The following SUMO3 variants were observed in gnomAD, a reference collection of about 807,000 sequenced individuals.
The protein encoded by SUMO3 is small ubiquitin like modifier 3.
SUMO3 carries 2 observed loss-of-function variants against 11.1 expected under a neutral mutation model. That is an observed-to-expected ratio of 0.18 (90% CI 0.07 to 0.57). The LOEUF (loss-of-function observed/expected upper bound fraction) is 0.57. Ranked by LOEUF, SUMO3 falls within the 20% of genes least tolerant of loss-of-function variation. SUMO3 has a pLI of 0.92. For synonymous variants in SUMO3, 56 were observed against 53.5 expected, an observed-to-expected ratio of 1.05 and a Z score of -0.20; for missense variants, 70 against 132.8, an observed-to-expected ratio of 0.53 and a Z score of 2.32.
chr21:44,816,747 G>A (rs1488926782), intron 1 of SUMO3, among the ~76,000 whole-genome samples: 1 of 152,058 alleles, frequency 6.6e-6, no homozygotes, highest in African/African-American at 2.4e-5. Flanking sequence ...ACTGGAGGGA[G>A]GCACACCCCA....
chr21:44,808,390 A>G (rs759444288), intron 3 of SUMO3: 49 of 748,646 alleles, frequency 6.5e-5, no homozygotes, highest in Admixed American at 1.8e-4. Context: ...GTGGGCACCT[A>G]TAGTCCCAGC....
At chr21:44,813,930 C>T in intron 2 of SUMO3, 46 bp downstream of exon 2, 1 of 1,603,392 alleles carries the variant, frequency 6.2e-7, no homozygotes, top group Non-Finnish European at 8.5e-7. Context: ...ACGCACAGGA[C>T]CAGTGCGCAC....
At chr21:44,812,767 C>A (rs577737201) in intron 2 of SUMO3, among the ~76,000 whole-genome samples, 16 of 152,328 alleles carry the variant, frequency 1.1e-4, no homozygotes, top group East Asian at 3.9e-4. Flanking sequence ...GAGCCCCCCC[C>A]ACATGTACAC....
rs921568245 is a variant in SUMO3, at chr21:44,807,197, G to A, written c.223-157C>T. Among the ~76,000 whole-genome samples the A allele has an allele frequency of 1.1e-4, 16 of 152,164 alleles. No homozygotes were observed. Among genetic ancestry groups the A allele is most frequent in the Admixed American group, 3.3e-4 (5 of 15,284 alleles). On this transcript the variant is annotated intron_variant, in intron 3 of 3. Transcript: ENST00000332859. The surrounding 1 kb of genome is among the most constrained non-coding windows in gnomAD (Gnocchi z 4.3). ...TTGTCCGTCCCCTCACTGCAGCTCA[G>A]CACGCATGGAAGAGGCATTGCTGTA... is the stretch of plus-strand genomic sequence containing the variant.
chr21:44,809,175 C>T, intron 2 of SUMO3, 57 bp from the exon 3 acceptor site: 4 of 1,549,190 alleles, frequency 2.6e-6, no homozygotes, highest in East Asian at 4.5e-5. Flanking sequence ...AAAGGAAAAG[C>T]AGTGGCCATT....
At position 44,810,776 on chromosome 21, in the gene SUMO3, T is replaced by C. The variant is rs1012692805; in HGVS notation, c.151-1658A>G. Among the ~76,000 whole-genome samples the C allele has an allele frequency of 1.3e-5, 2 of 152,228 alleles. No homozygotes were observed. Among genetic ancestry groups the C allele is most frequent in the East Asian group, 1.9e-4 (1 of 5,182 alleles). ...TTTTCAGCAGCTTCTCGGTGCTCCA[T>C]GCTTGCACAGAAGTCAGCCTGCGTG... On this transcript the variant is annotated intron_variant, in intron 2 of 3. Transcript: ENST00000332859. The surrounding 1 kb of genome is among the most constrained non-coding windows in gnomAD (Gnocchi z 4.1).
At position 44,811,799 on chromosome 21, in the gene SUMO3, G is replaced by A. The variant is rs983155386; in HGVS notation, c.150+2177C>T. On this transcript the variant is annotated intron_variant, in intron 2 of 3. Transcript: ENST00000332859. This position sits in a 1 kb window ranked among gnomAD's most constrained non-coding sequence, Gnocchi z 5.0. Reference sequence around the variant, plus strand: ...TATCTAGGACAATGAGCAGCAGGAGGAACAGGAACTCCAAAAAGAGGGAAC... The same window carrying A: ...TATCTAGGACAATGAGCAGCAGGAGAAACAGGAACTCCAAAAAGAGGGAAC... Among the ~76,000 whole-genome samples, 9 of 152,054 alleles carry A rather than the reference G, an allele frequency of 5.9e-5. No homozygotes were observed. The highest frequency in any genetic ancestry group is 2.2e-4 in the African/African-American group (9 of 41,408).
intron 3 of SUMO3, 72 bp downstream of exon 3, chr21:44,808,975 G>A (rs1021401088): frequency 1.6e-6 from 2 of 1,253,004 alleles, no homozygotes; most frequent in Non-Finnish European, 2.3e-6. Flanking sequence ...TCTCAAATAA[G>A]CGTATCCCAA....
intron 2 of SUMO3, chr21:44,813,766 A>G: frequency 1.4e-6 from 2 of 1,457,354 alleles, no homozygotes; most frequent in South Asian, 1.3e-5. Flanking sequence ...CCGAGCCTCT[A>G]GGTCCCTCCA....
chr21:44,810,580 C>T lies in SUMO3; in HGVS notation c.151-1462G>A, dbSNP rs1350888332. Among the ~76,000 whole-genome samples the T allele has an allele frequency of 6.6e-6, 1 of 152,226 alleles. No individual in the cohort carries two copies. The highest frequency in any genetic ancestry group is 1.5e-5 in the Non-Finnish European group (1 of 68,026). ...CCCACGAAAGCGCGTGCCCTCAACA[C>T]TGTGCGCCAAGTCCCCTCTCCCCTC... On this transcript the variant is annotated intron_variant, in intron 2 of 3. Coordinates refer to ENST00000332859, the MANE Select transcript of SUMO3 (RefSeq NM_006936.3). The surrounding 1 kb of genome is among the most constrained non-coding windows in gnomAD (Gnocchi z 4.1).
rs386394862 is a variant in SUMO3 at position 44,812,053 on chromosome 21, C to CTTTTTTTTT, written c.150+1914_150+1922dup. Among the ~76,000 whole-genome samples, 15 of 80,960 alleles carry CTTTTTTTTT rather than the reference C, an allele frequency of 1.9e-4. 1 individual carries two copies. Among genetic ancestry groups the CTTTTTTTTT allele is most frequent in the Non-Finnish European group, 2.2e-4 (10 of 45,386 alleles). The allele number at this position is 80,960 out of a possible 152,430, so 53.1% of individuals were successfully genotyped here. On this transcript the variant is annotated intron_variant, in intron 2 of 3. Transcript: ENST00000332859. The stretch of plus-strand genomic sequence containing the variant: ...AATCAGAATCCACTGAACTTCTCAC[C>CTTTTTTTTT]TTTTTTTTTTTTTTTTTTTTTTTGA...
intron 1 of SUMO3, among the ~76,000 whole-genome samples, chr21:44,815,517 A>C (rs1373936699): frequency 1.3e-5 from 2 of 152,172 alleles, no homozygotes; most frequent in African/African-American, 2.4e-5. Flanking sequence ...CCCATCCCGA[A>C]TGTGGCCTCC....
At position 44,810,852 on chromosome 21, in the gene SUMO3, G is replaced by A. The variant is rs1481579503; in HGVS notation, c.151-1734C>T. On this transcript the variant is annotated intron_variant, in intron 2 of 3. Coordinates refer to ENST00000332859, the MANE Select transcript of SUMO3 (RefSeq NM_006936.3). This position sits in a 1 kb window ranked among gnomAD's most constrained non-coding sequence, Gnocchi z 4.1. ...TGCAGCAGCCTAGAGAGGAGGGGAG[G>A]AGCGCAGAGGAGAACGGACAGGAAG... is the stretch of plus-strand genomic sequence containing the variant. 6.7e-6 allele frequency among the ~76,000 whole-genome samples: 1 copy of A among 149,234 alleles called. No homozygotes were observed. Among genetic ancestry groups the A allele is most frequent in the Non-Finnish European group, 1.5e-5 (1 of 66,098 alleles).
chr21:44,811,094 CCACATACACA>C lies in SUMO3; in HGVS notation c.151-1986_151-1977del, dbSNP rs570112189. 2.7e-3 allele frequency among the ~76,000 whole-genome samples: 382 copies of C among 140,480 alleles called. 3 individuals are homozygous for C. The highest frequency in any genetic ancestry group is 9.6e-3 in the African/African-American group (357 of 37,080). The allele number at this position is 140,480 out of a possible 152,430, so 92.2% of individuals were successfully genotyped here. A position where few individuals can be genotyped will look rare whatever the true frequency, so the allele number is the denominator to read the frequency against. On this transcript the variant is annotated intron_variant, in intron 2 of 3. Transcript: ENST00000332859. The surrounding 1 kb of genome is among the most constrained non-coding windows in gnomAD (Gnocchi z 5.0). ...CACACGAATGCACACATGCACACAC[CCACATACACA>C]CACATGCACACACCCACATATACAC...
At chr21:44,815,317 C>G (rs549889179) in intron 1 of SUMO3, among the ~76,000 whole-genome samples, 4 of 152,264 alleles carry the variant, frequency 2.6e-5, no homozygotes, top group Admixed American at 1.3e-4. Context: ...GCATGGTGCT[C>G]TGTCAAGGGA....
At chr21:44,808,731 G>A (rs926480163) in intron 3 of SUMO3, among the ~76,000 whole-genome samples, 3 of 152,112 alleles carry the variant, frequency 2.0e-5, no homozygotes, top group Admixed American at 6.5e-5. Flanking sequence ...AGCTGCACAC[G>A]GGCTACAACA....
intron 1 of SUMO3, among the ~76,000 whole-genome samples, chr21:44,816,532 G>A (rs1232915094): frequency 6.6e-6 from 1 of 152,194 alleles, no homozygotes; most frequent in Non-Finnish European, 1.5e-5. Flanking sequence ...TCACCTCCAG[G>A]ACCAGGCCAG....
In SUMO3 at chr21:44,814,059, C is replaced by T; in HGVS notation, c.67G>A (p.Gly23Arg). Residue 23 changes from glycine (G) to arginine (R), a missense_variant, in exon 2 of 4, where the codon GGG becomes AGG. Physicochemically the swap from Gly to Arg is moderately radical, Grantham distance 125 (BLOSUM62 -2). Transcript: ENST00000332859. ...ENDHINLKVAGQDGSVVQFKI... is the reference protein window; with the variant it reads ...ENDHINLKVARQDGSVVQFKI... ...AACTGCACCACGGAGCCGTCCTGCC[C>T]GGCCACCTTCAGGTTGATGTGGTCA... 2 of 1,613,940 alleles carry T rather than the reference C, an allele frequency of 1.2e-6. No individual in the cohort carries two copies. The highest frequency in any genetic ancestry group is 1.3e-5 in the African/African-American group (1 of 75,014).
Position 44,817,998 on chromosome 21 carries a change from CG to C in SUMO3, c.-31del. On this transcript the variant is annotated 5_prime_UTR_variant, in exon 1 of 4. Transcript: ENST00000332859. ...GCGCGAGCGGCGCGGGGAGGCGGCG[CG>C]GGGGAAGCAGCGCGGAGCGGGCGAG... 3.5e-6 allele frequency: 4 copies of C among 1,158,266 alleles called. No individual in the cohort carries two copies. Among genetic ancestry groups the C allele is most frequent in the Admixed American group, 5.2e-5 (1 of 19,400 alleles). The allele number at this position is 1,158,266 out of a possible 1,614,324, so 71.7% of individuals were successfully genotyped here.
Sources: gnomAD v4.1 joint callset for allele counts (sites outside exome capture counted in the v4.1 genomes callset) on GRCh38, gnomAD v4.1.1 for gene constraint, Gnocchi (gnomAD v3.1) non-coding constraint, MANE v1.5 for transcripts, NCBI Gene and HGNC (gene_info 2026-07-23, HGNC 2026-07-21) for gene names.